SGCZ: variants seen among roughly 807,000 people sequenced by gnomAD.
SGCZ encodes sarcoglycan zeta, also known as zeta-sarcoglycan.
SGCZ carries 40 observed loss-of-function variants against 41.3 expected under a neutral mutation model. That is an observed-to-expected ratio of 0.97 (90% CI 0.75 to 1.26). The LOEUF (loss-of-function observed/expected upper bound fraction) is 1.26, where lower values mean the gene tolerates loss of function less well. Among genes scored for constraint, SGCZ ranks in the 50% most tolerant of loss-of-function variants. The probability of loss-of-function intolerance (pLI) is 0.00; values close to 1 mark genes in which losing one functional copy is unlikely to be tolerated. For missense variants in SGCZ, 552 were observed against 369.8 expected (o/e 1.49, Z -4.04); for synonymous variants, 206 against 137.5 (o/e 1.50, Z -3.49).
At chr8:14,931,079 A>G (rs1297315518) in intron 1 of SGCZ, among the ~76,000 whole-genome samples, 2 of 152,072 alleles carry the variant, frequency 1.3e-5, no homozygotes, top group Admixed American at 1.3e-4. Flanking sequence ...ATGTTTTCTC[A>G]GATTCCAAAT....
intron 1 of SGCZ, among the ~76,000 whole-genome samples, chr8:14,624,250 C>A (rs563118254): frequency 6.6e-6 from 1 of 152,186 alleles, no homozygotes; most frequent in Admixed American, 6.6e-5. Context: ...CTGAAGGTCC[C>A]TCTCTGTTGA....
intron 1 of SGCZ, among the ~76,000 whole-genome samples, chr8:14,616,991 T>C (rs1368262606): frequency 2.6e-5 from 4 of 152,104 alleles, no homozygotes; most frequent in South Asian, 4.1e-4. Context: ...ATTCCTTTAA[T>C]ATAATTTGAT....
At chr8:15,078,153 T>C (rs986962683) in intron 1 of SGCZ, among the ~76,000 whole-genome samples, 2 of 118,018 alleles carry the variant, frequency 1.7e-5, no homozygotes, top group African/African-American at 7.6e-5. Flanking sequence ...TCTTCTTTTT[T>C]TTTTTTTTTT....
At chr8:15,058,308 A>G (rs1274720697) in intron 1 of SGCZ, among the ~76,000 whole-genome samples, 4 of 152,136 alleles carry the variant, frequency 2.6e-5, no homozygotes, top group Non-Finnish European at 5.9e-5. Context: ...AGAAGGTCCA[A>G]TTTGGAACAT....
chr8:15,120,127 G>A (rs1267059830), intron 1 of SGCZ, among the ~76,000 whole-genome samples: 2 of 152,218 alleles, frequency 1.3e-5, no homozygotes, highest in East Asian at 1.9e-4. Context: ...TTACAGGCAT[G>A]AGCCACTGCA....
chr8:14,338,305 C>T (rs980540564), intron 2 of SGCZ, among the ~76,000 whole-genome samples: 3 of 152,304 alleles, frequency 2.0e-5, no homozygotes, highest in Admixed American at 2.0e-4. Flanking sequence ...CTATTAGGAG[C>T]ACCAACAATA....
chr8:14,137,030 C>G (rs999081924), intron 5 of SGCZ, among the ~76,000 whole-genome samples: 1 of 152,192 alleles, frequency 6.6e-6, no homozygotes, highest in African/African-American at 2.4e-5. Context: ...CCAAGGCAAA[C>G]AGGGACTGGG....
intron 1 of SGCZ, among the ~76,000 whole-genome samples, chr8:14,850,352 G>A (rs1803270857): frequency 6.6e-6 from 1 of 152,092 alleles, no homozygotes; most frequent in African/African-American, 2.4e-5. Context: ...AGAGAAGGAG[G>A]TAAAGAAACA....
intron 2 of SGCZ, among the ~76,000 whole-genome samples, chr8:14,452,096 T>C (rs1438233838): frequency 6.6e-6 from 1 of 152,210 alleles, no homozygotes; most frequent in Admixed American, 6.5e-5. Context: ...CTTCAGTAGA[T>C]GAGTGGATAC....
chr8:14,605,449 T>A (rs1305719516), intron 1 of SGCZ, among the ~76,000 whole-genome samples: 6 of 152,182 alleles, frequency 3.9e-5, no homozygotes, highest in Admixed American at 3.9e-4. Context: ...AATGTGCATT[T>A]AAATTAGTAT....
At chr8:14,672,511 T>C (rs1286640682) in intron 1 of SGCZ, among the ~76,000 whole-genome samples, 1 of 152,172 alleles carries the variant, frequency 6.6e-6, no homozygotes, top group African/African-American at 2.4e-5. Context: ...TTAAAGATGA[T>C]TCAAAGATGA....
At chr8:14,122,161 C>T (rs1181971883) in intron 5 of SGCZ, among the ~76,000 whole-genome samples, 1 of 152,182 alleles carries the variant, frequency 6.6e-6, no homozygotes, top group Non-Finnish European at 1.5e-5. Flanking sequence ...CCTGTAGTCC[C>T]AGCTACTCGG....
At chr8:14,187,691 G>C (rs1197991788) in intron 4 of SGCZ, among the ~76,000 whole-genome samples, 1 of 152,028 alleles carries the variant, frequency 6.6e-6, no homozygotes, top group Non-Finnish European at 1.5e-5. Flanking sequence ...TGAAAAAAAT[G>C]ACAACTGCAG....
intron 1 of SGCZ, among the ~76,000 whole-genome samples, chr8:15,126,861 C>T (rs1056483780): frequency 1.3e-5 from 2 of 152,154 alleles, no homozygotes; most frequent in Non-Finnish European, 2.9e-5. Context: ...TCTAGGGAAG[C>T]TCTTTGGACT....
chr8:14,754,875 C>T (rs1378142387), intron 1 of SGCZ, among the ~76,000 whole-genome samples: 1 of 152,018 alleles, frequency 6.6e-6, no homozygotes, highest in South Asian at 2.1e-4. Flanking sequence ...GTGTGCACCA[C>T]CACACCCAGC....
rs118144489 is a variant in SGCZ, at chr8:14,543,867, G to A, written c.234+10865C>T. ...TGACTACATATTTGACTACTTAGTAGCTGTGTGCCTGATTTGATTACAGAA... is the reference window on the plus strand; with the variant it reads ...TGACTACATATTTGACTACTTAGTAACTGTGTGCCTGATTTGATTACAGAA... On this transcript the variant is annotated intron_variant, in intron 2 of 7. Transcript: ENST00000382080. Among the ~76,000 whole-genome samples the A allele has an allele frequency of 9.1e-3, 1,382 of 152,178 alleles. 9 individuals carry two copies. The highest frequency in any genetic ancestry group is 0.017 in the Middle Eastern group (5 of 292).
At position 14,112,309 on chromosome 8, in the gene SGCZ, G is replaced by A. The variant is rs543952936; in HGVS notation, c.548-4074C>T. ...GGGGGGGGGGTGCAAAGAAGGGAAT[G>A]GATTTTATGTAGATATCAACATGAT... On this transcript the variant is annotated intron_variant, in intron 5 of 7. Coordinates refer to ENST00000382080, the MANE Select transcript of SGCZ (RefSeq NM_139167.4). Among the ~76,000 whole-genome samples, 4 of 149,336 alleles carry A rather than the reference G, an allele frequency of 2.7e-5. 1 individual carries two copies. The South Asian group carries it at 6.3e-4, about 24-fold the overall frequency.
At chr8:15,219,191 A>C (rs1366275592) in intron 1 of SGCZ, among the ~76,000 whole-genome samples, 1 of 152,128 alleles carries the variant, frequency 6.6e-6, no homozygotes, top group Non-Finnish European at 1.5e-5. Flanking sequence ...ATTTCTTTTC[A>C]GAGTTTAACA....
chr8:14,403,321 A>G (rs1483823654), intron 2 of SGCZ, among the ~76,000 whole-genome samples: 2 of 150,432 alleles, frequency 1.3e-5, no homozygotes, highest in Non-Finnish European at 2.9e-5. Flanking sequence ...AACTTCCAAC[A>G]CTATCTTGAA....
Sources: allele counts gnomAD v4.1 joint callset (sites outside exome capture counted in the v4.1 genomes callset), GRCh38; gene constraint gnomAD v4.1.1; transcripts MANE v1.5; gene names NCBI Gene and HGNC (gene_info 2026-07-23, HGNC 2026-07-21).